The following ZC3H12B variants were observed in gnomAD, a reference collection of about 807,000 sequenced individuals.
The protein encoded by ZC3H12B is zinc finger CCCH-type containing 12B.
ZC3H12B carries 7 observed loss-of-function variants against 43.9 expected under a neutral mutation model. The observed-to-expected ratio is 0.16, with a 90% confidence interval of 0.09 to 0.30. The LOEUF (loss-of-function observed/expected upper bound fraction) is 0.30. ZC3H12B is among the 10% of genes least tolerant of loss of function. The probability of loss-of-function intolerance (pLI) is 1.00; values close to 1 mark genes in which losing one functional copy is unlikely to be tolerated. For missense variants in ZC3H12B, 475 were observed against 670.2 expected (o/e 0.71, Z 3.22); for synonymous variants, 222 against 241.7 (o/e 0.92, Z 0.76).
the ZC3H12B span, among the ~76,000 whole-genome samples, chrX:65,227,610 G>A: frequency 4.5e-5 from 5 of 110,814 alleles, no homozygotes; most frequent in Admixed American, 9.6e-5. Context: ...TTTTTGAAAG[G>A]ATCAACAAAA....
the ZC3H12B span, among the ~76,000 whole-genome samples, chrX:65,093,426 TGCCTGGAAAA>T: frequency 8.9e-6 from 1 of 111,894 alleles, no homozygotes; most frequent in African/African-American, 3.3e-5. Context: ...TTGCACCTTG[TGCCTGGAAAA>T]GCTACAGACA....
chrX:65,329,588 C>A, the ZC3H12B span, among the ~76,000 whole-genome samples: 1 of 107,805 alleles, frequency 9.3e-6, no homozygotes, highest in Admixed American at 9.6e-5. Flanking sequence ...CTTTTGTTGC[C>A]ATTGCTTTTG....
At chrX:65,089,765 T>C in the ZC3H12B span, among the ~76,000 whole-genome samples, 1 of 112,176 alleles carries the variant, frequency 8.9e-6, no homozygotes, top group Non-Finnish European at 1.9e-5. Flanking sequence ...TTTAAAATTA[T>C]TTATATTTTA....
the ZC3H12B span, among the ~76,000 whole-genome samples, chrX:65,276,349 C>A: frequency 1.8e-5 from 2 of 111,237 alleles, no homozygotes; most frequent in African/African-American, 3.3e-5. Flanking sequence ...GCTCAAACAA[C>A]CCCAAATAGA....
chrX:65,476,050 A>T (rs910184498), intron 3 of ZC3H12B, among the ~76,000 whole-genome samples: 5 of 112,219 alleles, frequency 4.5e-5, no homozygotes, highest in Admixed American at 9.4e-5. Context: ...TTTCAAAATG[A>T]TTTCTTCATC....
the ZC3H12B span, among the ~76,000 whole-genome samples, chrX:65,230,317 C>T: frequency 7.4e-5 from 8 of 107,946 alleles, no homozygotes; most frequent in South Asian, 4.1e-4. Context: ...TCTCACTCAT[C>T]GGTGGGAATT....
intron 2 of ZC3H12B, among the ~76,000 whole-genome samples, chrX:65,397,282 C>A (rs1462592980): frequency 1.8e-5 from 2 of 111,724 alleles, no homozygotes; most frequent in Non-Finnish European, 3.8e-5. Context: ...GATTCAGTTT[C>A]TTCATGGTGT....
chrX:65,244,892 A>G, the ZC3H12B span, among the ~76,000 whole-genome samples: 1 of 111,198 alleles, frequency 9.0e-6, no homozygotes, highest in Non-Finnish European at 1.9e-5. Flanking sequence ...TCAGTGTTTT[A>G]CCATGATACC....
the ZC3H12B span, among the ~76,000 whole-genome samples, chrX:65,080,692 TAATCAATAAC>T: frequency 8.9e-6 from 1 of 111,803 alleles, no homozygotes; most frequent in Non-Finnish European, 1.9e-5. Flanking sequence ...CTAAGGGATT[TAATCAATAAC>T]AGACCTATCC....
the ZC3H12B span, among the ~76,000 whole-genome samples, chrX:65,222,720 G>T: frequency 9.2e-6 from 1 of 109,239 alleles, no homozygotes; most frequent in Non-Finnish European, 1.9e-5. Context: ...AAACACTATT[G>T]AAAGAAATCA....
intron 2 of ZC3H12B, among the ~76,000 whole-genome samples, chrX:65,381,204 T>A (rs2066433957): frequency 9.0e-6 from 1 of 111,054 alleles, no homozygotes; most frequent in Non-Finnish European, 1.9e-5. Flanking sequence ...TACGTGGAAG[T>A]AAAGCTCTCC....
chrX:65,147,661 T>C, the ZC3H12B span, among the ~76,000 whole-genome samples: 1 of 110,934 alleles, frequency 9.0e-6, no homozygotes, highest in African/African-American at 3.3e-5. Flanking sequence ...ATGCTGGGTT[T>C]TGTGTCTGTG....
the ZC3H12B span, among the ~76,000 whole-genome samples, chrX:65,277,066 T>C: frequency 9.0e-6 from 1 of 110,532 alleles, no homozygotes; most frequent in Non-Finnish European, 1.9e-5. Context: ...GCGAGCAGAG[T>C]AGCTATAATT....
At chrX:65,039,702 A>C in the ZC3H12B span, among the ~76,000 whole-genome samples, 1 of 112,059 alleles carries the variant, frequency 8.9e-6, no homozygotes, top group East Asian at 2.8e-4. Flanking sequence ...CCCATATTGG[A>C]TAAACTGCAT....
At chrX:65,072,403 C>T in the ZC3H12B span, among the ~76,000 whole-genome samples, 1 of 112,574 alleles carries the variant, frequency 8.9e-6, no homozygotes, top group South Asian at 3.6e-4. Flanking sequence ...ACCATCTCAG[C>T]CTGGTTCAGA....
At chrX:65,036,590 A>C in the ZC3H12B span, among the ~76,000 whole-genome samples, 23 of 111,299 alleles carry the variant, frequency 2.1e-4, no homozygotes, top group East Asian at 3.4e-3. Flanking sequence ...TTGGGGGTAT[A>C]GTTTAAATTA....
At chrX:65,380,407 T>A (rs138731071) in intron 2 of ZC3H12B, among the ~76,000 whole-genome samples, 1 of 111,284 alleles carries the variant, frequency 9.0e-6, no homozygotes, top group South Asian at 3.9e-4. Context: ...AAGCAAATGC[T>A]GAGATATGTT....
Position 65,488,798 on chromosome X carries a change from C to T in ZC3H12B, c.-4C>T, listed in dbSNP as rs1373745816. 3 of 1,173,128 alleles carry T rather than the reference C, an allele frequency of 2.6e-6. No individual in the cohort carries two copies. The highest frequency in any genetic ancestry group is 3.9e-5 in the South Asian group (2 of 51,037). Reference sequence around the variant, plus strand: ...ATTAGACCTCAGACGACCCACTAAACGGGATGACGGCCACAGCTGAGGTAG... The same window carrying T: ...ATTAGACCTCAGACGACCCACTAAATGGGATGACGGCCACAGCTGAGGTAG... On this transcript the variant is annotated 5_prime_UTR_variant, in exon 1 of 5. The change creates a new upstream start codon in the 5' untranslated region. Coordinates refer to ENST00000338957, the Ensembl canonical transcript of ZC3H12B.
the ZC3H12B span, among the ~76,000 whole-genome samples, chrX:65,178,303 A>G: frequency 2.2e-3 from 248 of 112,376 alleles, no homozygotes; most frequent in Non-Finnish European, 3.4e-3. Context: ...GTAAAACCAT[A>G]AATACCCTAG....
Sources: gnomAD v4.1 joint callset for allele counts (sites outside exome capture counted in the v4.1 genomes callset) on GRCh38, gnomAD v4.1.1 for gene constraint, MANE v1.5 for transcripts, NCBI Gene and HGNC (gene_info 2026-07-23, HGNC 2026-07-21) for gene names.